Variants in WWC1 observed in about 807,000 individuals in gnomAD.
The protein encoded by WWC1 is WW and C2 domain containing 1.
A neutral mutation model predicts 138.4 loss-of-function variants in WWC1; 55 were observed. That is an observed-to-expected ratio of 0.40 (90% confidence interval 0.32 to 0.50). The LOEUF (loss-of-function observed/expected upper bound fraction) is 0.50. Ranked by LOEUF, WWC1 falls within the 20% of genes least tolerant of loss-of-function variation. WWC1 has a pLI of 0.72. For synonymous variants in WWC1, 524 were observed against 564.9 expected (o/e 0.93, Z 1.03); for missense variants, 1,226 against 1,420.4 (o/e 0.86, Z 2.20).
intron 19 of WWC1, among the ~76,000 whole-genome samples, chr5:168,459,551 G>C (rs1756622492): frequency 6.6e-6 from 1 of 152,142 alleles, no homozygotes; most frequent in Non-Finnish European, 1.5e-5. Context: ...AGGATTAAAT[G>C]AAACTGTCAC....
At chr5:168,381,843 G>GAA (rs751379785) in intron 2 of WWC1, among the ~76,000 whole-genome samples, 37 of 123,650 alleles carry the variant, frequency 3.0e-4, no homozygotes, top group African/African-American at 8.8e-4. Context: ...CTTTTAAAAA[G>GAA]AAAAAAAAAA....
chr5:168,356,988 T>A (rs1775474082), intron 1 of WWC1, among the ~76,000 whole-genome samples: 1 of 152,078 alleles, frequency 6.6e-6, no homozygotes, highest in African/African-American at 2.4e-5. Flanking sequence ...AGGGAAATAA[T>A]CATGATGGTC....
intron 3 of WWC1, among the ~76,000 whole-genome samples, chr5:168,394,887 G>A (rs1431465109): frequency 2.0e-5 from 3 of 152,216 alleles, no homozygotes; most frequent in African/African-American, 7.2e-5. Flanking sequence ...GCACTTCTAT[G>A]TATGTATTTT....
At chr5:168,428,878 C>A in intron 13 of WWC1, 91 bp downstream of exon 13, 1 of 1,394,014 alleles carries the variant, frequency 7.2e-7, no homozygotes, top group South Asian at 1.2e-5. Context: ...CCTTCACAGC[C>A]GCCCAGGGTG....
intron 16 of WWC1, among the ~76,000 whole-genome samples, chr5:168,442,830 C>T (rs1754903988): frequency 6.8e-6 from 1 of 147,756 alleles, no homozygotes; most frequent in East Asian, 2.0e-4. Context: ...GAGCAAGACT[C>T]CATCTCAGAA....
intron 1 of WWC1, among the ~76,000 whole-genome samples, chr5:168,306,135 C>T (rs1253464580): frequency 2.0e-5 from 3 of 152,132 alleles, no homozygotes; most frequent in African/African-American, 4.8e-5. Flanking sequence ...CAGTGGCTCA[C>T]GCCTGTAATC....
Position 168,422,022 on chromosome 5 carries a change from G to C in WWC1, c.1199G>C (p.Ser400Thr). Reference protein sequence around the residue: ...KALTERLKLNSKRNQLVRELE... With the variant: ...KALTERLKLNTKRNQLVRELE... ...TCTCCTTCCAGGTTAAAGTTAAACA[G>C]TAAGAGGAACCAGCTTGTGAGAGAA... The change falls in exon 10 of 23, where the codon AGT becomes ACT. Residue 400 changes from serine to threonine, a missense_variant. Coordinates refer to ENST00000265293, the MANE Select transcript of WWC1 (RefSeq NM_015238.3). The C allele has an allele frequency of 1.2e-6, 2 of 1,611,446 alleles. No individual in the cohort carries two copies. Among genetic ancestry groups the C allele is most frequent in the Non-Finnish European group, 8.5e-7 (1 of 1,178,410 alleles).
chr5:168,363,709 C>T lies in WWC1; in HGVS notation c.120-7715C>T, dbSNP rs73801889. Reference sequence around the variant, plus strand: ...ATCCTAACAGCCAATGTAGATTGAACCCTGAATGCCATGTGGTCAGCACAG... The same window carrying T: ...ATCCTAACAGCCAATGTAGATTGAATCCTGAATGCCATGTGGTCAGCACAG... On this transcript the variant is annotated intron_variant, in intron 1 of 22. Transcript: ENST00000265293. Among the ~76,000 whole-genome samples, 907 of 152,104 alleles carry T rather than the reference C, an allele frequency of 6.0e-3. 9 individuals are homozygous for T. The highest frequency in any genetic ancestry group is 0.02 in the African/African-American group (834 of 41,464).
At chr5:168,426,948 T>C (rs1324901650) in intron 11 of WWC1, among the ~76,000 whole-genome samples, 1 of 152,234 alleles carries the variant, frequency 6.6e-6, no homozygotes, top group African/African-American at 2.4e-5. Flanking sequence ...GAGTGATCAT[T>C]ACTTGGGCAA....
At chr5:168,403,064 T>TTCTC (rs1437992836) in intron 5 of WWC1, among the ~76,000 whole-genome samples, 18 of 121,722 alleles carry the variant, frequency 1.5e-4, no homozygotes, top group Non-Finnish European at 8.5e-5. Flanking sequence ...CTTTCTTTCT[T>TTCTC]TCTTTCTTTC....
At chr5:168,339,841 C>CTTTCT (rs1561630213) in intron 1 of WWC1, among the ~76,000 whole-genome samples, 34 of 144,726 alleles carry the variant, frequency 2.3e-4, no homozygotes, top group African/African-American at 9.0e-4. Context: ...TTTTTCTTTT[C>CTTTCT]TTTCTTTCTT....
At chr5:168,460,569 C>A (rs1756718121) in intron 19 of WWC1, 81 bp from the exon 20 acceptor site, 23 of 1,391,876 alleles carry the variant, frequency 1.7e-5, no homozygotes, top group East Asian at 1.2e-4. Context: ...AGTGGAGGAA[C>A]CTGACCTCCC....
At chr5:168,357,776 C>T (rs1187447400) in intron 1 of WWC1, among the ~76,000 whole-genome samples, 1 of 152,126 alleles carries the variant, frequency 6.6e-6, no homozygotes, top group East Asian at 1.9e-4. Context: ...GGCTTCCCTT[C>T]AGGGAATAAC....
chr5:168,329,622 A>G (rs777226431), intron 1 of WWC1, among the ~76,000 whole-genome samples: 36 of 152,194 alleles, frequency 2.4e-4, no homozygotes, highest in Non-Finnish European at 4.4e-4. Context: ...ATGAACCTGG[A>G]GTTAGAACCT....
At chr5:168,298,679 G>A (rs1443350548) in intron 1 of WWC1, among the ~76,000 whole-genome samples, 1 of 152,174 alleles carries the variant, frequency 6.6e-6, no homozygotes, top group Non-Finnish European at 1.5e-5. Flanking sequence ...TCTATTGAGT[G>A]TTTACTCTCT....
At chr5:168,450,260 A>G (rs974335966) in intron 17 of WWC1, among the ~76,000 whole-genome samples, 4 of 152,192 alleles carry the variant, frequency 2.6e-5, no homozygotes, top group African/African-American at 9.7e-5. Flanking sequence ...CTTGGAGTCC[A>G]AGGGAAATGG....
intron 2 of WWC1, among the ~76,000 whole-genome samples, chr5:168,377,899 A>G (rs1418069498): frequency 1.3e-5 from 2 of 152,252 alleles, no homozygotes; most frequent in East Asian, 1.9e-4. Context: ...TAGAACTACC[A>G]TTCAACCCAG....
intron 7 of WWC1, 127 bp from the exon 8 acceptor site, chr5:168,409,795 C>A (rs898831185): frequency 2.2e-6 from 2 of 913,132 alleles, no homozygotes; most frequent in Non-Finnish European, 3.6e-6. Flanking sequence ...CACCGCCAGC[C>A]CAGTCACCGG....
intron 2 of WWC1, among the ~76,000 whole-genome samples, chr5:168,380,759 C>G (rs1265264468): frequency 6.6e-6 from 1 of 152,172 alleles, no homozygotes; most frequent in Non-Finnish European, 1.5e-5. Flanking sequence ...AGCAAACTAA[C>G]AATTTATCAC....
Sources: gnomAD v4.1 joint callset for allele counts (sites outside exome capture counted in the v4.1 genomes callset) on GRCh38, gnomAD v4.1.1 for gene constraint, MANE v1.5 for transcripts, NCBI Gene and HGNC (gene_info 2026-07-23, HGNC 2026-07-21) for gene names.